CTU2: variants seen among roughly 807,000 people sequenced by gnomAD.
CTU2 encodes the protein cytoplasmic tRNA 2-thiolation protein 2.
CTU2 carries 80 observed loss-of-function variants against 64.1 expected under a neutral mutation model. The ratio of observed to expected loss-of-function variants is 1.25; its 90% CI spans 1.04 to 1.50. The LOEUF (loss-of-function observed/expected upper bound fraction) is 1.50. Ranked by LOEUF, CTU2 falls within the 40% of genes most tolerant of loss-of-function variation. The pLI, the probability that CTU2 is intolerant of heterozygous loss-of-function variation, is 0.00. For missense variants in CTU2, 1,110 were observed against 690.2 expected (o/e 1.61, Z -6.81); for synonymous variants, 482 against 285.3 (o/e 1.69, Z -6.95).
At position 88,715,162 on chromosome 16, in the gene CTU2, C is replaced by A. The variant is rs778653533; in HGVS notation, c.1479-20C>A. 1 of 1,611,042 alleles carries A rather than the reference C, an allele frequency of 6.2e-7. No individual in the cohort carries two copies. On this transcript the variant is annotated intron_variant, in intron 14 of 14. Coordinates refer to ENST00000453996, the MANE Select transcript of CTU2 (RefSeq NM_001012759.3). Reference sequence around the variant, plus strand: ...GGTAAGGGGCCTCGGGGCTGGTGCCCACTGCAGCTTTCTCTCTAGGGCCTG... The same window carrying A: ...GGTAAGGGGCCTCGGGGCTGGTGCCAACTGCAGCTTTCTCTCTAGGGCCTG...
chr16:88,713,703 C>G lies in CTU2; in HGVS notation c.930C>G (p.His310Gln). Reference protein sequence around the residue: ...DVVVVRPMRDHTLKEVAFYNR... With the variant: ...DVVVVRPMRDQTLKEVAFYNR... ...TGGTGGTGCGGCCCATGCGGGACCACACCCTGAAGGAGGTCGCTTTCTACA... is the reference window on the plus strand; with the variant it reads ...TGGTGGTGCGGCCCATGCGGGACCAGACCCTGAAGGAGGTCGCTTTCTACA... Residue 310 changes from histidine to glutamine, a missense_variant, in exon 9 of 15, where the codon CAC (histidine) becomes CAG (glutamine). His to Gln is a conservative substitution (Grantham distance 24, BLOSUM62 0). Transcript: ENST00000453996. 6.2e-7 allele frequency: 1 copy of G among 1,612,678 alleles called. No individual in the cohort carries two copies. Among genetic ancestry groups the G allele is most frequent in the Non-Finnish European group, 8.5e-7 (1 of 1,179,900 alleles).
rs1911655389 is a variant in CTU2, at chr16:88,714,215, GC to G, written c.1086del (p.Ser362ArgfsTer11). ...RLQTQFPSTV[S>X]TVYRTSEKLV... is the part of the protein sequence containing the mutation. The stretch of plus-strand genomic sequence containing the variant: ...CAGACCCAGTTCCCCTCCACTGTCA[GC>G]ACTGTGTACAGGTGTGGGTGTGTGT... On this transcript the variant is annotated frameshift_variant, in exon 10 of 15. Transcript: ENST00000453996. LOFTEE classifies it high-confidence loss of function. 1 of 1,585,948 alleles carries G rather than the reference GC, an allele frequency of 6.3e-7. No homozygotes were observed. The highest frequency in any genetic ancestry group is 8.5e-7 in the Non-Finnish European group (1 of 1,171,216).
At position 88,715,334 on chromosome 16, in the gene CTU2, G is replaced by A; in HGVS notation, c.*83G>A. On this transcript the variant is annotated 3_prime_UTR_variant, in exon 15 of 15. Transcript: ENST00000453996. ...AGCCGGAAGGCAAGGACGGGGGACTGGCCTCTGATTGTCCATTTGTATAAA... is the reference window on the plus strand; with the variant it reads ...AGCCGGAAGGCAAGGACGGGGGACTAGCCTCTGATTGTCCATTTGTATAAA... 9 of 1,380,388 alleles carry A rather than the reference G, an allele frequency of 6.5e-6. No individual in the cohort carries two copies. In the South Asian group the frequency reaches 8.8e-5, roughly 13 times the overall value. 85.5% of individuals were successfully genotyped at this position (1,380,388 alleles called of 1,614,324 possible).
chr16:88,706,879 C>A lies in CTU2; in HGVS notation c.69-257C>A, dbSNP rs999449565. On this transcript the variant is annotated intron_variant, in intron 1 of 14. Coordinates refer to ENST00000453996, the MANE Select transcript of CTU2 (RefSeq NM_001012759.3). ...CTGGTGCCGTGAAGCTGTCTCGCCT[C>A]CCCGTGTCAGCCTTGGGAGACTGAA... The A allele has an allele frequency of 5.4e-6, 3 of 558,624 alleles. No individual in the cohort carries two copies. In the South Asian group the frequency reaches 7.3e-5, roughly 14 times the overall value. 34.6% of individuals were successfully genotyped at this position (558,624 alleles called of 1,614,324 possible). A position where few individuals can be genotyped will look rare whatever the true frequency, so the allele number is the denominator to read the frequency against.
chr16:88,707,073 C>G (rs896516650), intron 1 of CTU2, 63 bp from the exon 2 acceptor site: 1 of 1,546,932 alleles, frequency 6.5e-7, no homozygotes, highest in Admixed American at 1.7e-5. Flanking sequence ...CTCCCCAAAG[C>G]CCACTAGGCG....
chr16:88,712,424 C>A, intron 6 of CTU2, 41 bp downstream of exon 6: 1 of 1,515,970 alleles, frequency 6.6e-7, no homozygotes, highest in East Asian at 2.3e-5. Context: ...GGAGGTGACC[C>A]CTGGGGGGCA....
At position 88,713,303 on chromosome 16, in the gene CTU2, G is replaced by A. The variant is rs762773762; in HGVS notation, c.738-9G>A. 1 of 1,518,874 alleles carries A rather than the reference G, an allele frequency of 6.6e-7. No individual in the cohort carries two copies. The highest frequency in any genetic ancestry group is 1.9e-5 in the Admixed American group (1 of 53,428). The allele number at this position is 1,518,874 out of a possible 1,614,324, so 94.1% of individuals were successfully genotyped here. On this transcript the variant is annotated splice_polypyrimidine_tract_variant and intron_variant, in intron 7 of 14. Transcript: ENST00000453996. The stretch of plus-strand genomic sequence containing the variant: ...ACCCCCCAGGCCCCTGAGACGCTCT[G>A]TGCTTTAGGACCCACCTGATCCTCC...
chr16:88,711,074 C>T lies in CTU2; in HGVS notation c.283-561C>T, dbSNP rs190175252. ...TTGAGAGGAGAGGGGTCGGCTTTGC[C>T]GGGTTGAGGAGTGGGGTGTTGGTCT... On this transcript the variant is annotated intron_variant, in intron 4 of 14. Transcript: ENST00000453996. 4.1e-4 allele frequency among the ~76,000 whole-genome samples: 63 copies of T among 152,162 alleles called. No homozygotes were observed. The South Asian group carries it at 0.012, about 29-fold the overall frequency.
In CTU2 at chr16:88,713,636, G is replaced by C. The variant is rs551571687; in HGVS notation, c.874-11G>C. 4 of 1,610,468 alleles carry C rather than the reference G, an allele frequency of 2.5e-6. No individual in the cohort carries two copies. The highest frequency in any genetic ancestry group is 2.7e-5 in the African/African-American group (2 of 75,022). ...CCTTGACCTGGACCACACAGCCCCT[G>C]CCTCCCGCAGGGCTTCTCGGATGAG... On this transcript the variant is annotated splice_polypyrimidine_tract_variant and intron_variant, in intron 8 of 14. Coordinates refer to ENST00000453996, the MANE Select transcript of CTU2 (RefSeq NM_001012759.3).
Position 88,715,045 on chromosome 16 carries a change from C to T in CTU2, c.1420-3C>T, listed in dbSNP as rs765589419. Reference sequence around the variant, plus strand: ...GGCCCCTCGACACCGGCCTCTGTTGCAGCCCTCACTGGACCCCCTGCCGCC... The same window carrying T: ...GGCCCCTCGACACCGGCCTCTGTTGTAGCCCTCACTGGACCCCCTGCCGCC... On this transcript the variant is annotated splice_region_variant and splice_polypyrimidine_tract_variant and intron_variant, in intron 13 of 14. Coordinates refer to ENST00000453996, the MANE Select transcript of CTU2 (RefSeq NM_001012759.3). 18 of 1,575,250 alleles carry T rather than the reference C, an allele frequency of 1.1e-5. No homozygotes were observed. The highest frequency in any genetic ancestry group is 1.5e-5 in the Non-Finnish European group (17 of 1,159,548).
rs1567654284 is a variant in CTU2, at chr16:88,715,054, C to A, written c.1426C>A (p.Leu476Met). 2 of 1,572,946 alleles carry A rather than the reference C, an allele frequency of 1.3e-6. No homozygotes were observed. The highest frequency in any genetic ancestry group is 1.7e-5 in the Admixed American group (1 of 57,608). Reference protein sequence around the residue: ...CRVNMKDLPSLDPLPPYILAE... With the variant: ...CRVNMKDLPSMDPLPPYILAE... ...ACACCGGCCTCTGTTGCAGCCCTCA[C>A]TGGACCCCCTGCCGCCGTACATCCT... Residue 476 changes from leucine to methionine, a missense_variant, in exon 14 of 15, where the codon CTG becomes ATG. Transcript: ENST00000453996.
Position 88,714,739 on chromosome 16 carries a change from TGA to T in CTU2, c.1352+4_1352+5del, listed in dbSNP as rs756293476. The T allele has an allele frequency of 1.2e-6, 2 of 1,606,488 alleles. No homozygotes were observed. Among genetic ancestry groups the T allele is most frequent in the Non-Finnish European group, 1.7e-6 (2 of 1,176,422 alleles). ...CTGTGGCCAGGGGGCCTGCAGGAGG[TGA>T]GTCCCTGTCCCTGCCACCCATGGCC... On this transcript the variant is annotated splice_donor_region_variant and intron_variant, in intron 12 of 14. Coordinates refer to ENST00000453996, the MANE Select transcript of CTU2 (RefSeq NM_001012759.3).
intron 4 of CTU2, 95 bp from the exon 5 acceptor site, chr16:88,711,540 A>G (rs922326109): frequency 9.6e-6 from 12 of 1,254,292 alleles, no homozygotes; most frequent in African/African-American, 4.5e-5. Flanking sequence ...TCACCTTCCA[A>G]GATGGCATTA....
At chr16:88,707,537 A>C (rs561808767) in intron 2 of CTU2, among the ~76,000 whole-genome samples, 3 of 152,038 alleles carry the variant, frequency 2.0e-5, no homozygotes, top group African/African-American at 7.3e-5. Flanking sequence ...GAATACATCT[A>C]GGGGCGGATC....
intron 14 of CTU2, 33 bp from the exon 15 acceptor site, chr16:88,715,141 AGGGGCCTC>A: frequency 6.2e-7 from 1 of 1,607,944 alleles, no homozygotes; most frequent in Middle Eastern, 1.7e-4. Flanking sequence ...CGCGTGGGTA[AGGGGCCTC>A]GGGGCTGGTG....
intron 12 of CTU2, 40 bp downstream of exon 12, chr16:88,714,777 G>T: frequency 6.2e-7 from 1 of 1,606,782 alleles, no homozygotes; most frequent in Non-Finnish European, 8.5e-7. Context: ...AGCTGCATGG[G>T]GCGGGAGGGG....
rs768075874 is a variant in CTU2 at position 88,712,652 on chromosome 16, T to C, written c.484T>C (p.Cys162Arg). The change falls in exon 7 of 15, where the codon TGC becomes CGC. Residue 162 changes from cysteine to arginine, a missense_variant. Physicochemically the swap from Cys to Arg is radical, Grantham distance 180 (BLOSUM62 -3). Coordinates refer to ENST00000453996, the MANE Select transcript of CTU2 (RefSeq NM_001012759.3). ...VFSLPPSVLW[C>R]SAQELVGSEG... ...CAGCCTGCCACCGTCGGTGCTTTGG[T>C]GCTCTGCCCAGGAGCTGGTGGGATC... The C allele has an allele frequency of 1.1e-5, 18 of 1,610,428 alleles. No homozygotes were observed. In the East Asian group the frequency reaches 4.0e-4, roughly 36 times the overall value.
rs377641987 is a variant in CTU2 at position 88,712,588 on chromosome 16, C to T, written c.454-34C>T. The T allele has an allele frequency of 3.3e-5, 52 of 1,597,706 alleles. No homozygotes were observed. In the African/African-American group the frequency reaches 6.6e-4, roughly 20 times the overall value. On this transcript the variant is annotated intron_variant, in intron 6 of 14. Coordinates refer to ENST00000453996, the MANE Select transcript of CTU2 (RefSeq NM_001012759.3). ...TCTGTGGGGGGCACCTGCCCGTGTC[C>T]CGGGCCTCACTGGCGTCTCCCTCAT...
chr16:88,714,745 C>T lies in CTU2; in HGVS notation c.1352+8C>T. The T allele has an allele frequency of 6.2e-7, 1 of 1,605,672 alleles. No individual in the cohort carries two copies. Among genetic ancestry groups the T allele is most frequent in the South Asian group, 1.1e-5 (1 of 90,520 alleles). On this transcript the variant is annotated splice_region_variant and intron_variant, in intron 12 of 14. Transcript: ENST00000453996. ...CCAGGGGGCCTGCAGGAGGTGAGTC[C>T]CTGTCCCTGCCACCCATGGCCAGCT...
Sources: gnomAD v4.1 joint callset for allele counts (sites outside exome capture counted in the v4.1 genomes callset) on GRCh38, gnomAD v4.1.1 for gene constraint, MANE v1.5 for transcripts, NCBI Gene and HGNC (gene_info 2026-07-23, HGNC 2026-07-21) for gene names.